The following KLF12 variants were observed in gnomAD, a reference collection of about 807,000 sequenced individuals.
KLF12 encodes KLF transcription factor 12.
A neutral mutation model predicts 37.8 loss-of-function variants in KLF12; 9 were observed. That is an observed-to-expected ratio of 0.24 (90% CI 0.14 to 0.42). The LOEUF (loss-of-function observed/expected upper bound fraction) is 0.42. Among genes scored for constraint, KLF12 ranks in the 10% least tolerant of loss-of-function variants. The probability of loss-of-function intolerance (pLI) is 1.00; values close to 1 mark genes in which losing one functional copy is unlikely to be tolerated. For synonymous variants in KLF12, 208 were observed against 202.1 expected, an observed-to-expected ratio of 1.03 and a Z score of -0.25; for missense variants, 411 against 516.0, an observed-to-expected ratio of 0.80 and a Z score of 1.97.
At chr13:73,725,126 G>C (rs2137759240) in intron 6 of KLF12, among the ~76,000 whole-genome samples, 1 of 152,120 alleles carries the variant, frequency 6.6e-6, no homozygotes, top group East Asian at 1.9e-4. Context: ...TTTTGAGACG[G>C]AGTCTTGCTC....
At chr13:73,942,061 T>C (rs1478178658) in intron 3 of KLF12, among the ~76,000 whole-genome samples, 1 of 152,182 alleles carries the variant, frequency 6.6e-6, no homozygotes, top group Non-Finnish European at 1.5e-5. Context: ...ACTGCAAAAC[T>C]GCTGGGAATA....
the KLF12 span, among the ~76,000 whole-genome samples, chr13:74,204,661 T>C: frequency 6.6e-6 from 1 of 152,276 alleles, no homozygotes; most frequent in South Asian, 2.1e-4. Flanking sequence ...CTCTAAATTG[T>C]AAGCAAATTT....
At chr13:74,009,653 G>A (rs769115242) in intron 1 of KLF12, among the ~76,000 whole-genome samples, 7 of 152,174 alleles carry the variant, frequency 4.6e-5, no homozygotes, top group East Asian at 1.9e-4. Flanking sequence ...ACTTCTAAAC[G>A]GCTTGATTTG....
At chr13:73,724,315 C>T (rs1876500536) in intron 6 of KLF12, among the ~76,000 whole-genome samples, 1 of 152,170 alleles carries the variant, frequency 6.6e-6, no homozygotes, top group Non-Finnish European at 1.5e-5. Context: ...TGCATGTTCT[C>T]AGTCATAAGT....
At chr13:74,266,526 T>C in the KLF12 span, among the ~76,000 whole-genome samples, 1 of 152,144 alleles carries the variant, frequency 6.6e-6, no homozygotes, top group Admixed American at 6.5e-5. Flanking sequence ...TAAATGCACA[T>C]GTTAAATTGC....
At chr13:74,180,598 C>A in the KLF12 span, among the ~76,000 whole-genome samples, 2 of 152,126 alleles carry the variant, frequency 1.3e-5, no homozygotes, top group African/African-American at 4.8e-5. Flanking sequence ...AATGACTTGA[C>A]AGCAATTCAG....
intron 1 of KLF12, among the ~76,000 whole-genome samples, chr13:74,043,747 T>TATG (rs1893470507): frequency 6.6e-6 from 1 of 152,228 alleles, no homozygotes; most frequent in African/African-American, 2.4e-5. Flanking sequence ...ATGTGTTCAA[T>TATG]CAAGACTAAA....
intron 1 of KLF12, among the ~76,000 whole-genome samples, chr13:74,130,353 A>G (rs936963318): frequency 1.3e-5 from 2 of 152,168 alleles, no homozygotes; most frequent in African/African-American, 4.8e-5. Context: ...AGCAACTACA[A>G]CCTATTTCAG....
At chr13:73,739,824 A>T (rs943985160) in intron 6 of KLF12, among the ~76,000 whole-genome samples, 1 of 152,280 alleles carries the variant, frequency 6.6e-6, no homozygotes, top group Non-Finnish European at 1.5e-5. Flanking sequence ...AAACATTTGT[A>T]AATTTATCTG....
At chr13:74,126,796 T>C (rs76808029) in intron 1 of KLF12, among the ~76,000 whole-genome samples, 4,514 of 152,264 alleles carry the variant, frequency 0.03, 217 homozygotes, top group African/African-American at 0.1. Flanking sequence ...AGTATATAAA[T>C]GGCATTTCAG....
At chr13:73,723,443 C>T (rs1876423571) in intron 6 of KLF12, among the ~76,000 whole-genome samples, 2 of 151,862 alleles carry the variant, frequency 1.3e-5, no homozygotes, top group Non-Finnish European at 2.9e-5. Flanking sequence ...CAGAAAATAC[C>T]GGGGTTTAAA....
chr13:73,844,944 T>C (rs1393439691), intron 4 of KLF12: 1 of 152,152 alleles, frequency 6.6e-6, no homozygotes, highest in East Asian at 1.9e-4. Flanking sequence ...TGCATTTCTA[T>C]TGAGGGGTGG....
intron 1 of KLF12, among the ~76,000 whole-genome samples, chr13:74,020,425 A>G (rs1892812368): frequency 6.6e-6 from 1 of 152,248 alleles, no homozygotes; most frequent in Non-Finnish European, 1.5e-5. Flanking sequence ...CTTAGCACGA[A>G]TAGGAAGCTT....
Position 73,748,717 on chromosome 13 carries a change from A to G in KLF12, c.869+16221T>C, listed in dbSNP as rs568061081. ...GCCAAGTTATGCCAAATACATTTAA[A>G]TTTTAATATGTGGAGCTCTGGGAGA... On this transcript the variant is annotated intron_variant, in intron 6 of 7. Coordinates refer to ENST00000377669, the MANE Select transcript of KLF12 (RefSeq NM_007249.5). 3.9e-5 allele frequency among the ~76,000 whole-genome samples: 6 copies of G among 152,272 alleles called. No individual in the cohort carries two copies. The South Asian group carries it at 1.2e-3, about 32-fold the overall frequency.
the KLF12 span, among the ~76,000 whole-genome samples, chr13:74,301,952 G>A: frequency 6.6e-6 from 1 of 152,136 alleles, no homozygotes; most frequent in African/African-American, 2.4e-5. Flanking sequence ...GTTTAAAGGA[G>A]AATAATACCA....
chr13:73,774,657 T>C (rs1362966730), intron 5 of KLF12, among the ~76,000 whole-genome samples: 7 of 152,298 alleles, frequency 4.6e-5, no homozygotes, highest in South Asian at 2.1e-4. Flanking sequence ...GAAAGGTATA[T>C]GTGAATTCTC....
chr13:74,260,611 AAT>A, the KLF12 span, among the ~76,000 whole-genome samples: 2 of 110,476 alleles, frequency 1.8e-5, no homozygotes, highest in African/African-American at 1.2e-4. Context: ...AATAAAATAA[AAT>A]AAAATAAAAT....
the KLF12 span, among the ~76,000 whole-genome samples, chr13:74,174,820 G>C: frequency 4.3e-4 from 65 of 152,234 alleles, no homozygotes; most frequent in African/African-American, 1.5e-3. Context: ...GCATCAGTAG[G>C]GTTTTTAGTT....
chr13:73,896,843 C>T (rs548436950), intron 3 of KLF12, among the ~76,000 whole-genome samples: 24 of 152,226 alleles, frequency 1.6e-4, no homozygotes, highest in Middle Eastern at 6.8e-3. Context: ...TCTTGGTTCT[C>T]TCCAAGAAAA....
Sources: allele counts gnomAD v4.1 joint callset (sites outside exome capture counted in the v4.1 genomes callset), GRCh38; gene constraint gnomAD v4.1.1; transcripts MANE v1.5; gene names NCBI Gene and HGNC (gene_info 2026-07-23, HGNC 2026-07-21).